The following CRPPA variants were observed in gnomAD, a reference collection of about 807,000 sequenced individuals.
CRPPA encodes CDP-L-ribitol pyrophosphorylase A, also known as D-ribitol-5-phosphate cytidylyltransferase.
CRPPA carries 43 observed loss-of-function variants against 52.0 expected under a neutral mutation model. That is an observed-to-expected ratio of 0.83 (90% CI 0.65 to 1.07). CRPPA has a LOEUF of 1.07. Among genes scored for constraint, CRPPA ranks in the 50% least tolerant of loss-of-function variants. The probability of loss-of-function intolerance (pLI) is 0.00; values close to 1 mark genes in which losing one functional copy is unlikely to be tolerated. For missense variants in CRPPA, 629 were observed against 551.7 expected, an observed-to-expected ratio of 1.14 and a Z score of -1.40; for synonymous variants, 250 against 203.5, an observed-to-expected ratio of 1.23 and a Z score of -1.94.
intron 3 of CRPPA, among the ~76,000 whole-genome samples, chr7:16,348,863 T>C (rs1786079923): frequency 6.6e-6 from 1 of 152,202 alleles, no homozygotes. Context: ...GCCACACTTC[T>C]AGAGCTAGCT....
chr7:16,388,128 C>T (rs1210543542), intron 2 of CRPPA, among the ~76,000 whole-genome samples: 1 of 152,128 alleles, frequency 6.6e-6, no homozygotes, highest in Non-Finnish European at 1.5e-5. Context: ...GGACTACAGG[C>T]ATGTGCCACC....
intron 9 of CRPPA, among the ~76,000 whole-genome samples, chr7:16,200,966 G>T (rs1001698938): frequency 6.6e-5 from 10 of 152,042 alleles, no homozygotes; most frequent in African/African-American, 2.4e-4. Context: ...ATTTTTTATA[G>T]AAGCATTTTT....
At chr7:16,277,259 T>C (rs1440605946) in intron 6 of CRPPA, 1 of 146,640 alleles carries the variant, frequency 6.8e-6, no homozygotes, top group Non-Finnish European at 1.5e-5. Context: ...ATGGGCATGG[T>C]GGAGGCTGAG....
intron 9 of CRPPA, among the ~76,000 whole-genome samples, chr7:16,105,572 T>C (rs753685856): frequency 1.3e-5 from 2 of 152,158 alleles, no homozygotes; most frequent in African/African-American, 4.8e-5. Flanking sequence ...GCAGAGGTCC[T>C]AGTGATCATG....
At chr7:16,333,094 T>G (rs955762946) in intron 3 of CRPPA, among the ~76,000 whole-genome samples, 2 of 152,142 alleles carry the variant, frequency 1.3e-5, no homozygotes. Context: ...TGCCTGGACC[T>G]AACAAGAGAG....
chr7:16,137,626 T>C (rs1298199451), intron 9 of CRPPA, among the ~76,000 whole-genome samples: 1 of 152,178 alleles, frequency 6.6e-6, no homozygotes, highest in Non-Finnish European at 1.5e-5. Context: ...AAGAATACTA[T>C]ATAATATTTA....
intron 4 of CRPPA, among the ~76,000 whole-genome samples, chr7:16,304,091 T>G (rs1784852963): frequency 6.6e-6 from 1 of 152,032 alleles, no homozygotes. Context: ...GTAAATGGGG[T>G]CACAAATATG....
chr7:16,148,162 C>T (rs1783010049), intron 9 of CRPPA, among the ~76,000 whole-genome samples: 1 of 152,054 alleles, frequency 6.6e-6, no homozygotes. Flanking sequence ...TGTATACATA[C>T]TATACATATT....
chr7:16,211,625 C>T, intron 9 of CRPPA, among the ~76,000 whole-genome samples: 1 of 152,102 alleles, frequency 6.6e-6, no homozygotes, highest in Non-Finnish European at 1.5e-5. Context: ...CCCATTTGTT[C>T]TCCAAAGGAT....
intron 9 of CRPPA, among the ~76,000 whole-genome samples, chr7:16,106,144 T>A (rs1484164892): frequency 6.6e-6 from 1 of 152,000 alleles, no homozygotes; most frequent in East Asian, 1.9e-4. Flanking sequence ...GCCCACCCAA[T>A]AACTTTCCCA....
intron 3 of CRPPA, among the ~76,000 whole-genome samples, chr7:16,353,272 G>A (rs1471786598): frequency 2.6e-5 from 4 of 152,126 alleles, no homozygotes; most frequent in African/African-American, 9.7e-5. Context: ...AAAATTGCTT[G>A]AGCCCAGGAG....
chr7:16,099,129 T>C (rs905333857), intron 9 of CRPPA, among the ~76,000 whole-genome samples: 1 of 151,888 alleles, frequency 6.6e-6, no homozygotes, highest in African/African-American at 2.4e-5. Flanking sequence ...GGCTCAAGCC[T>C]GTAGTTCCTG....
chr7:16,286,952 C>T (rs1467842821), intron 5 of CRPPA, among the ~76,000 whole-genome samples: 5 of 152,106 alleles, frequency 3.3e-5, no homozygotes, highest in Non-Finnish European at 7.4e-5. Flanking sequence ...GCATTATGCA[C>T]CAAAAGAGCC....
At chr7:16,294,919 C>A (rs574509054) in intron 5 of CRPPA, among the ~76,000 whole-genome samples, 3 of 151,990 alleles carry the variant, frequency 2.0e-5, no homozygotes, top group African/African-American at 7.2e-5. Context: ...CAAAAACAAA[C>A]AATCTTGCAC....
chr7:16,279,225 C>A (rs1471534248), intron 5 of CRPPA, among the ~76,000 whole-genome samples: 1 of 152,128 alleles, frequency 6.6e-6, no homozygotes, highest in Non-Finnish European at 1.5e-5. Flanking sequence ...CCATATAAAT[C>A]ACTGATGTAG....
rs185429831 is a variant in CRPPA, at chr7:16,103,261, A to G, written c.1252-11462T>C. ...TAAGTGGGAGTTGAACAATGAGGAC[A>G]CATGGACACAGGAAGGGGAACATCA... On this transcript the variant is annotated intron_variant, in intron 9 of 9. Coordinates refer to ENST00000407010, the MANE Select transcript of CRPPA (RefSeq NM_001101426.4). Among the ~76,000 whole-genome samples the G allele has an allele frequency of 2.6e-4, 39 of 152,298 alleles. No homozygotes were observed. The East Asian group carries it at 7.5e-3, about 29-fold the overall frequency.
intron 9 of CRPPA, among the ~76,000 whole-genome samples, chr7:16,171,382 A>ATC (rs2128385363): frequency 6.6e-6 from 1 of 152,258 alleles, no homozygotes; most frequent in South Asian, 2.1e-4. Flanking sequence ...TTTTAAATGT[A>ATC]TCTTGTTGAT....
chr7:16,372,775 G>T (rs535869269), intron 3 of CRPPA, among the ~76,000 whole-genome samples: 2 of 152,162 alleles, frequency 1.3e-5, no homozygotes, highest in African/African-American at 2.4e-5. Flanking sequence ...CCAAGTATCT[G>T]CTGTCTTCAG....
At chr7:16,152,860 AAT>A (rs1044629017) in intron 9 of CRPPA, among the ~76,000 whole-genome samples, 2 of 151,982 alleles carry the variant, frequency 1.3e-5, no homozygotes, top group African/African-American at 4.8e-5. Context: ...AAGAAATGTG[AAT>A]TTGTTCCATT....
Sources: gnomAD v4.1 joint callset for allele counts (sites outside exome capture counted in the v4.1 genomes callset) on GRCh38, gnomAD v4.1.1 for gene constraint, MANE v1.5 for transcripts, NCBI Gene and HGNC (gene_info 2026-07-23, HGNC 2026-07-21) for gene names.